Variants in AMMECR1 observed in about 807,000 individuals in gnomAD.
AMMECR1 encodes the protein nuclear protein AMMECR1.
Under a neutral mutation model 22.5 loss-of-function variants are expected in AMMECR1, and 3 were observed. That is an observed-to-expected ratio of 0.13 (90% CI 0.06 to 0.35). The LOEUF (loss-of-function observed/expected upper bound fraction) is 0.35. Among genes scored for constraint, AMMECR1 ranks in the 10% least tolerant of loss-of-function variants. AMMECR1 has a pLI of 1.00. For synonymous variants in AMMECR1, 130 were observed against 116.7 expected, an observed-to-expected ratio of 1.11 and a Z score of -0.74; for missense variants, 235 against 278.7, an observed-to-expected ratio of 0.84 and a Z score of 1.12.
upstream of AMMECR1, chrX:110,318,180 C>A (rs1272627637): frequency 7.3e-6 from 5 of 686,893 alleles, no homozygotes; most frequent in Non-Finnish European, 9.1e-6. Flanking sequence ...CAGAGGCTGG[C>A]GGGGCGCGCG....
chrX:110,295,722 GCTGCCTTAAGAATTACAATTAACAT>G (rs1185499043), intron 1 of AMMECR1, among the ~76,000 whole-genome samples: 1 of 111,110 alleles, frequency 9.0e-6, no homozygotes, highest in Non-Finnish European at 1.9e-5. Context: ...TTTCTTAATG[GCTGCCTTAAGAATTACAATTAACAT>G]CTTAACCTAA....
Position 110,317,809 on chromosome X carries a change from G to A in AMMECR1, c.263C>T (p.Pro88Leu), listed in dbSNP as rs897469132. The change falls in exon 1 of 6, where the codon CCT (proline) becomes CTT (leucine). Residue 88 changes from proline to leucine, a missense_variant. Physicochemically the swap from Pro to Leu is moderately conservative, Grantham distance 98. Coordinates refer to ENST00000262844, the MANE Select transcript of AMMECR1 (RefSeq NM_015365.3). The stretch of plus-strand genomic sequence containing the variant: ...TAGGGTCCCCACTCCGCAGCTCGGA[G>A]GTGGCGACAGGGCGATCCCCCCGCC... The part of the protein sequence containing the change: ...GGGGGIALSP[P>L]PSCGVGTLLS... The A allele has an allele frequency of 8.6e-7, 1 of 1,163,548 alleles. No homozygotes were observed. The highest frequency in any genetic ancestry group is 1.1e-6 in the Non-Finnish European group (1 of 871,112).
intron 2 of AMMECR1, among the ~76,000 whole-genome samples, chrX:110,350,650 A>G (rs2068207639): frequency 1.8e-5 from 2 of 111,770 alleles, no homozygotes; most frequent in South Asian, 7.4e-4. Flanking sequence ...ACTAGCAATG[A>G]ACAATCTGAA....
intron 2 of AMMECR1, among the ~76,000 whole-genome samples, chrX:110,353,138 A>T (rs768065885): frequency 8.0e-4 from 89 of 111,407 alleles, no homozygotes; most frequent in African/African-American, 2.8e-3. Context: ...GATATTTTGT[A>T]TTTCTGTGGT....
intron 2 of AMMECR1, among the ~76,000 whole-genome samples, chrX:110,399,926 A>G (rs2068552638): frequency 8.9e-6 from 1 of 112,227 alleles, no homozygotes; most frequent in African/African-American, 3.2e-5. Flanking sequence ...TGAGTTAATT[A>G]GAATTATGAG....
chrX:110,291,635 G>C (rs896767387), intron 1 of AMMECR1, among the ~76,000 whole-genome samples: 1 of 111,951 alleles, frequency 8.9e-6, no homozygotes, highest in African/African-American at 3.3e-5. Context: ...GGACAGCTTC[G>C]AAGTTTCACA....
intron 2 of AMMECR1, chrX:110,419,083 T>C (rs2068699492): frequency 1.8e-5 from 2 of 112,373 alleles, no homozygotes. Context: ...CCCGCCCTAC[T>C]GACTGTGAAT....
chrX:110,202,119 GT>G (rs1490890045), intron 4 of AMMECR1, among the ~76,000 whole-genome samples: 1 of 112,255 alleles, frequency 8.9e-6, no homozygotes, highest in East Asian at 2.8e-4. Flanking sequence ...CAAAAGGCTT[GT>G]TTATGCCACA....
At chrX:110,278,699 T>C (rs901481918) in intron 1 of AMMECR1, among the ~76,000 whole-genome samples, 6 of 111,915 alleles carry the variant, frequency 5.4e-5, no homozygotes, top group Non-Finnish European at 9.4e-5. Context: ...TTTAAATACT[T>C]TGGTTTAAAA....
chrX:110,220,410 A>T (rs1354202682), intron 2 of AMMECR1, among the ~76,000 whole-genome samples: 2 of 111,682 alleles, frequency 1.8e-5, no homozygotes, highest in Admixed American at 9.5e-5. Flanking sequence ...TCTACTGGAA[A>T]TCTGCAGGAG....
chrX:110,437,314 T>C (rs1359696378), intron 1 of AMMECR1, among the ~76,000 whole-genome samples: 1 of 112,248 alleles, frequency 8.9e-6, no homozygotes, highest in Non-Finnish European at 1.9e-5. Flanking sequence ...GTGTTAATCA[T>C]TGCTGATTTT....
At chrX:110,307,010 G>A (rs2067999278) in intron 1 of AMMECR1, 1 of 110,387 alleles carries the variant, frequency 9.1e-6, no homozygotes, top group Non-Finnish European at 1.9e-5. Context: ...GGCAGAGGCG[G>A]GCAGATCACC....
intron 1 of AMMECR1, among the ~76,000 whole-genome samples, chrX:110,300,408 A>T (rs926647917): frequency 8.9e-6 from 1 of 112,429 alleles, no homozygotes; most frequent in African/African-American, 3.2e-5. Context: ...TGAAAATAAC[A>T]CAATGGTCAA....
At chrX:110,232,889 CAAAAAAAAAAA>C (rs775605567) in intron 2 of AMMECR1, among the ~76,000 whole-genome samples, 377 of 11,891 alleles carry the variant, frequency 0.032, 6 homozygotes, top group African/African-American at 0.14. Flanking sequence ...GACTCAGTCT[CAAAAAAAAAAA>C]AAAAAAAAAA....
At chrX:110,321,098 A>G (rs759196068), upstream of AMMECR1, among the ~76,000 whole-genome samples, 12 of 112,174 alleles carry the variant, frequency 1.1e-4, no homozygotes, top group South Asian at 4.1e-3. Flanking sequence ...TCATTCAAAC[A>G]TAAACTAAAT....
intron 2 of AMMECR1, among the ~76,000 whole-genome samples, chrX:110,352,645 C>T (rs1218294492): frequency 1.8e-5 from 2 of 111,457 alleles, no homozygotes; most frequent in Non-Finnish European, 3.8e-5. Context: ...GATGTTTGCA[C>T]AACTCTTTGA....
chrX:110,230,169 G>A lies in AMMECR1; in HGVS notation c.585-13537C>T, dbSNP rs1023385214. ...AGAGCAGTGGTTCTCCCAACACAGC[G>A]TTTGAGATCTGAGAACAGACAGACT... On this transcript the variant is annotated intron_variant, in intron 2 of 5. Transcript: ENST00000262844. 3.6e-5 allele frequency among the ~76,000 whole-genome samples: 4 copies of A among 112,581 alleles called. No individual in the cohort carries two copies. The South Asian group carries it at 1.4e-3, about 41-fold the overall frequency.
At chrX:110,288,005 T>C (rs1172041362) in intron 1 of AMMECR1, among the ~76,000 whole-genome samples, 2 of 111,897 alleles carry the variant, frequency 1.8e-5, no homozygotes, top group Admixed American at 9.5e-5. Flanking sequence ...AATACATGAA[T>C]AGAATTTAAT....
At chrX:110,226,990 A>C (rs776635066) in intron 2 of AMMECR1, among the ~76,000 whole-genome samples, 10 of 112,031 alleles carry the variant, frequency 8.9e-5, no homozygotes, top group African/African-American at 3.2e-4. Context: ...TGGGATGCTA[A>C]GCCTTCCCTT....
Sources: gnomAD v4.1 joint callset for allele counts (sites outside exome capture counted in the v4.1 genomes callset) on GRCh38, gnomAD v4.1.1 for gene constraint, MANE v1.5 for transcripts, NCBI Gene and HGNC (gene_info 2026-07-23, HGNC 2026-07-21) for gene names.